Variants in CCM2 observed in about 807,000 individuals in gnomAD.
CCM2 encodes the protein cerebral cavernous malformations 2 protein.
Under a neutral mutation model 44.9 loss-of-function variants are expected in CCM2, and 25 were observed. The observed-to-expected ratio is 0.56, with a 90% CI of 0.41 to 0.78. The LOEUF (loss-of-function observed/expected upper bound fraction) is 0.78. CCM2 is among the 30% of genes least tolerant of loss of function. The pLI is 0.00. For synonymous variants in CCM2, 219 were observed against 241.1 expected, an observed-to-expected ratio of 0.91 and a Z score of 0.85; for missense variants, 481 against 580.6, an observed-to-expected ratio of 0.83 and a Z score of 1.76.
chr7:45,071,090 T>TTA (rs1799047157), intron 6 of CCM2: 1 of 152,234 alleles, frequency 6.6e-6, no homozygotes, highest in African/African-American at 2.4e-5. Context: ...TCTCATTTAG[T>TTA]CCTCGGTGGC....
intron 2 of CCM2, among the ~76,000 whole-genome samples, chr7:45,053,521 C>A (rs1798107334): frequency 6.6e-6 from 1 of 152,208 alleles, no homozygotes; most frequent in African/African-American, 2.4e-5. Flanking sequence ...CTCCATAGAT[C>A]CCTGCATGGA....
chr7:45,044,655 C>G (rs937908230), intron 2 of CCM2, among the ~76,000 whole-genome samples: 4 of 152,172 alleles, frequency 2.6e-5, no homozygotes, highest in Non-Finnish European at 4.4e-5. Context: ...GACTATATCA[C>G]AGAACCACCA....
intron 1 of CCM2, among the ~76,000 whole-genome samples, chr7:45,004,204 C>T (rs556218795): frequency 8.2e-4 from 125 of 152,056 alleles, no homozygotes; most frequent in Non-Finnish European, 1.7e-3. Context: ...TATAAAGTTC[C>T]CTAGAAATGT....
intron 6 of CCM2, 29 bp downstream of exon 6, chr7:45,069,990 G>A (rs956808709): frequency 6.2e-7 from 1 of 1,611,910 alleles, no homozygotes. Context: ...GGCAGCGGGT[G>A]GGAGCAGGGA....
chr7:45,010,211 A>G (rs1796013966), intron 1 of CCM2, among the ~76,000 whole-genome samples: 1 of 152,198 alleles, frequency 6.6e-6, no homozygotes. Flanking sequence ...GCTCCTGGCC[A>G]AATAATACAC....
chr7:45,015,238 A>G (rs1482627016), intron 1 of CCM2, among the ~76,000 whole-genome samples: 1 of 152,170 alleles, frequency 6.6e-6, no homozygotes, highest in Admixed American at 6.5e-5. Flanking sequence ...TATTCCAGTC[A>G]TACCCCTTTC....
intron 1 of CCM2, among the ~76,000 whole-genome samples, chr7:45,026,759 C>T (rs538002901): frequency 2.0e-5 from 3 of 152,082 alleles, no homozygotes; most frequent in Admixed American, 2.0e-4. Flanking sequence ...CCCATCACCA[C>T]GCCCGGCTAA....
intron 1 of CCM2, among the ~76,000 whole-genome samples, chr7:45,004,957 T>C (rs1196180870): frequency 6.7e-6 from 1 of 150,336 alleles, no homozygotes; most frequent in African/African-American, 2.5e-5. Context: ...GAATGTGCCA[T>C]TGCGCTCCAG....
At chr7:45,060,874 A>ATC (rs1239147466) in intron 2 of CCM2, among the ~76,000 whole-genome samples, 2 of 152,118 alleles carry the variant, frequency 1.3e-5, no homozygotes, top group Non-Finnish European at 2.9e-5. Flanking sequence ...TACCATATTA[A>ATC]TCGTAGTTGT....
intron 1 of CCM2, among the ~76,000 whole-genome samples, chr7:45,036,864 T>C (rs910451739): frequency 2.0e-5 from 3 of 152,152 alleles, no homozygotes; most frequent in African/African-American, 4.8e-5. Context: ...CTTGGCCTAC[T>C]GTGGGGGTTT....
chr7:45,009,322 A>G (rs1231725856), intron 1 of CCM2, among the ~76,000 whole-genome samples: 3 of 148,704 alleles, frequency 2.0e-5, no homozygotes, highest in Non-Finnish European at 4.4e-5. Context: ...AAAAAAAAAA[A>G]TTTTTGAGTA....
chr7:45,033,670 G>A (rs1562877618), intron 1 of CCM2, among the ~76,000 whole-genome samples: 1 of 152,208 alleles, frequency 6.6e-6, no homozygotes, highest in African/African-American at 2.4e-5. Context: ...CTGTGGAGAT[G>A]CAAGCTTCCG....
intron 1 of CCM2, among the ~76,000 whole-genome samples, chr7:45,007,049 C>T (rs1795874477): frequency 6.6e-6 from 1 of 152,130 alleles, no homozygotes; most frequent in Non-Finnish European, 1.5e-5. Context: ...GTCATTCTGG[C>T]CTCATCTGCT....
intron 1 of CCM2, among the ~76,000 whole-genome samples, chr7:45,023,808 T>TGG: frequency 7.8e-6 from 1 of 128,150 alleles, no homozygotes; most frequent in African/African-American, 3.1e-5. Context: ...TTTTTTTTTT[T>TGG]TTTTTTTTTT....
At chr7:45,060,550 C>G (rs1025511060) in intron 2 of CCM2, among the ~76,000 whole-genome samples, 2 of 152,218 alleles carry the variant, frequency 1.3e-5, no homozygotes, top group Non-Finnish European at 2.9e-5. Context: ...TCTTTTCTTT[C>G]TCTTGATATC....
chr7:45,069,847 T>C lies in CCM2; in HGVS notation c.631T>C (p.Cys211Arg), dbSNP rs1443974537. The change falls in exon 6 of 10, where the codon TGT becomes CGT. Residue 211 changes from cysteine (C) to arginine (R), a missense_variant. Coordinates refer to ENST00000258781, the MANE Select transcript of CCM2 (RefSeq NM_031443.4). ...GCAGGTCGCTGCGGAGGAGCTTTGC[T>C]GTCTGCTAGGCCAGGTCTTCCAGGT... is the stretch of plus-strand genomic sequence containing the variant. ...ESKVAAEELC[C>R]LLGQVFQVVY... The C allele has an allele frequency of 6.2e-7, 1 of 1,614,232 alleles. No individual in the cohort carries two copies. Among genetic ancestry groups the C allele is most frequent in the South Asian group, 1.1e-5 (1 of 91,088 alleles).
chr7:45,023,423 G>A (rs961404298), intron 1 of CCM2, among the ~76,000 whole-genome samples: 16 of 152,118 alleles, frequency 1.1e-4, no homozygotes, highest in African/African-American at 3.9e-4. Flanking sequence ...GGTGTTGCGC[G>A]TCTGTAATCC....
intron 2 of CCM2, among the ~76,000 whole-genome samples, chr7:45,051,839 G>C (rs1798026469): frequency 6.6e-6 from 1 of 151,988 alleles, no homozygotes. Flanking sequence ...GGGATTATAG[G>C]CATGAGCCAC....
chr7:45,005,759 T>C (rs1319688693), intron 1 of CCM2, among the ~76,000 whole-genome samples: 1 of 152,110 alleles, frequency 6.6e-6, no homozygotes, highest in African/African-American at 2.4e-5. Flanking sequence ...CACCTAAAAT[T>C]AGAGACTAAA....
Sources: gnomAD v4.1 joint callset for allele counts (sites outside exome capture counted in the v4.1 genomes callset) on GRCh38, gnomAD v4.1.1 for gene constraint, MANE v1.5 for transcripts, NCBI Gene and HGNC (gene_info 2026-07-23, HGNC 2026-07-21) for gene names.